Variants in CTTNBP2 observed in about 807,000 individuals in gnomAD.
CTTNBP2 encodes cortactin-binding protein 2.
Under a neutral mutation model 156.9 loss-of-function variants are expected in CTTNBP2, and 108 were observed. That is an observed-to-expected ratio of 0.69 (90% CI 0.59 to 0.81). The LOEUF (loss-of-function observed/expected upper bound fraction) is 0.81, where lower values mean the gene tolerates loss of function less well. Among genes scored for constraint, CTTNBP2 ranks in the 30% least tolerant of loss-of-function variants. The pLI, the probability that CTTNBP2 is intolerant of heterozygous loss-of-function variation, is 0.00. For synonymous variants in CTTNBP2, 767 were observed against 751.8 expected, an observed-to-expected ratio of 1.02 and a Z score of -0.33; for missense variants, 1,924 against 2,035.4, an observed-to-expected ratio of 0.95 and a Z score of 1.05.
At chr7:117,764,738 T>C (rs1434918348) in intron 9 of CTTNBP2, among the ~76,000 whole-genome samples, 2 of 152,224 alleles carry the variant, frequency 1.3e-5, no homozygotes, top group African/African-American at 2.4e-5. Flanking sequence ...CATTTCCTAA[T>C]AGATTTCCAT....
At chr7:117,760,348 C>T in intron 10 of CTTNBP2, 87 bp downstream of exon 10, 1 of 1,333,040 alleles carries the variant, frequency 7.5e-7, no homozygotes, top group Middle Eastern at 1.9e-4. Context: ...TGTGCTTAAT[C>T]AATGAACTAA....
intron 2 of CTTNBP2, among the ~76,000 whole-genome samples, chr7:117,833,798 G>T (rs1176949607): frequency 1.3e-5 from 2 of 152,176 alleles, no homozygotes; most frequent in East Asian, 3.9e-4. Context: ...AGCACTCAAT[G>T]AATTCTTCAA....
At chr7:117,759,263 G>A (rs973745553) in intron 10 of CTTNBP2, among the ~76,000 whole-genome samples, 2 of 151,830 alleles carry the variant, frequency 1.3e-5, no homozygotes, top group Non-Finnish European at 2.9e-5. Flanking sequence ...GCATGTGACC[G>A]CACCCACCTA....
intron 3 of CTTNBP2, among the ~76,000 whole-genome samples, chr7:117,797,444 GA>G (rs1166991739): frequency 6.6e-6 from 1 of 152,086 alleles, no homozygotes; most frequent in Non-Finnish European, 1.5e-5. Context: ...ATGAAATTAA[GA>G]AAAAGTGAAT....
chr7:117,784,116 TA>T, intron 5 of CTTNBP2, 134 bp downstream of exon 5: 2 of 598,334 alleles, frequency 3.3e-6, no homozygotes, highest in Non-Finnish European at 5.6e-6. Flanking sequence ...ATCTCATGTT[TA>T]AAAAAACTAT....
At chr7:117,753,546 C>T (rs773412668) in intron 12 of CTTNBP2, among the ~76,000 whole-genome samples, 3 of 152,126 alleles carry the variant, frequency 2.0e-5, no homozygotes, top group Non-Finnish European at 4.4e-5. Flanking sequence ...AAATGTGGTA[C>T]ATATACACCA....
At chr7:117,794,731 T>C (rs1201634748) in intron 3 of CTTNBP2, among the ~76,000 whole-genome samples, 2 of 152,220 alleles carry the variant, frequency 1.3e-5, no homozygotes, top group Admixed American at 1.3e-4. Flanking sequence ...GTCCCATAAA[T>C]AGATAATCAG....
intron 2 of CTTNBP2, among the ~76,000 whole-genome samples, chr7:117,825,775 G>A (rs1801240703): frequency 1.3e-5 from 2 of 152,104 alleles, no homozygotes; most frequent in African/African-American, 4.8e-5. Context: ...AAGAAATAAT[G>A]CATGTAAGGC....
At chr7:117,757,089 C>G (rs1796924967) in intron 11 of CTTNBP2, among the ~76,000 whole-genome samples, 1 of 152,190 alleles carries the variant, frequency 6.6e-6, no homozygotes, top group Non-Finnish European at 1.5e-5. Flanking sequence ...CCAAGTTCTG[C>G]CATTCTCTCA....
At chr7:117,781,147 G>T (rs529095979) in intron 6 of CTTNBP2, among the ~76,000 whole-genome samples, 137 of 152,216 alleles carry the variant, frequency 9.0e-4, no homozygotes, top group Non-Finnish European at 1.6e-3. Flanking sequence ...AGTTGATGAG[G>T]AAAAGATAGC....
rs192670787 is a variant in CTTNBP2 at position 117,732,447 on chromosome 7, G to A, written c.3876+2466C>T. 6.9e-3 allele frequency among the ~76,000 whole-genome samples: 1,047 copies of A among 151,718 alleles called. 8 individuals carry two copies. Among genetic ancestry groups the A allele is most frequent in the Non-Finnish European group, 0.011 (719 of 67,944 alleles). Reference sequence around the variant, plus strand: ...GGGTGGATCATGAGGTCAGGAGATCGAGACCATCCTGGCTAACATGGTGAA... The same window carrying A: ...GGGTGGATCATGAGGTCAGGAGATCAAGACCATCCTGGCTAACATGGTGAA... On this transcript the variant is annotated intron_variant, in intron 16 of 22. Transcript: ENST00000160373.
intron 3 of CTTNBP2, among the ~76,000 whole-genome samples, chr7:117,797,247 C>T (rs1403361606): frequency 6.6e-6 from 1 of 152,168 alleles, no homozygotes; most frequent in Non-Finnish European, 1.5e-5. Flanking sequence ...AAGGTGGCTG[C>T]TGAATGTCTG....
intron 2 of CTTNBP2, among the ~76,000 whole-genome samples, chr7:117,847,118 C>A (rs1371357595): frequency 6.6e-6 from 1 of 151,724 alleles, no homozygotes; most frequent in Non-Finnish European, 1.5e-5. Context: ...TACAGGGTTA[C>A]CAAAATGCTT....
intron 2 of CTTNBP2, among the ~76,000 whole-genome samples, chr7:117,846,811 T>TTG: frequency 6.6e-6 from 1 of 152,252 alleles, no homozygotes; most frequent in South Asian, 2.1e-4. Flanking sequence ...AAAACTGGCT[T>TTG]CTTAAACATT....
At chr7:117,831,242 T>C (rs569610899) in intron 2 of CTTNBP2, among the ~76,000 whole-genome samples, 22 of 152,258 alleles carry the variant, frequency 1.4e-4, no homozygotes, top group African/African-American at 5.1e-4. Context: ...TCATTAGAAC[T>C]CCCTGACACC....
intron 7 of CTTNBP2, among the ~76,000 whole-genome samples, chr7:117,778,657 A>G (rs993103795): frequency 4.6e-5 from 7 of 152,144 alleles, no homozygotes. Context: ...CTAATACACT[A>G]AAGTTTGACA....
chr7:117,735,038 T>C lies in CTTNBP2; in HGVS notation c.3751A>G (p.Lys1251Glu). ...ENCFLMGTIAKACLQGSDLLV... is the reference protein window; with the variant it reads ...ENCFLMGTIAEACLQGSDLLV... ...AAGTCGGAGCCCTGGAGACAGGCCT[T>C]GGCGATGGTTCCCATCAGAAAGCAG... is the stretch of plus-strand genomic sequence containing the variant. Residue 1251 changes from lysine (K) to glutamate (E), a missense_variant, in exon 16 of 23, where the codon AAG (lysine) becomes GAG (glutamate). Lys to Glu is a moderately conservative substitution (Grantham distance 56). Coordinates refer to ENST00000160373, the MANE Select transcript of CTTNBP2 (RefSeq NM_033427.3). The C allele has an allele frequency of 3.1e-6, 5 of 1,614,212 alleles. No homozygotes were observed. The highest frequency in any genetic ancestry group is 4.2e-6 in the Non-Finnish European group (5 of 1,180,022).
intron 19 of CTTNBP2, among the ~76,000 whole-genome samples, chr7:117,723,910 G>A (rs765303306): frequency 6.6e-6 from 1 of 151,894 alleles, no homozygotes; most frequent in African/African-American, 2.4e-5. Flanking sequence ...GCGCCACCAT[G>A]CCCAGCTAAT....
intron 2 of CTTNBP2, 30 bp from the exon 3 acceptor site, chr7:117,811,019 G>C: frequency 1.4e-6 from 2 of 1,479,714 alleles, no homozygotes; most frequent in South Asian, 2.3e-5. Flanking sequence ...ATGTATTGAA[G>C]AAAGAAATGA....
Sources: gnomAD v4.1 joint callset for allele counts (sites outside exome capture counted in the v4.1 genomes callset) on GRCh38, gnomAD v4.1.1 for gene constraint, MANE v1.5 for transcripts, NCBI Gene and HGNC (gene_info 2026-07-23, HGNC 2026-07-21) for gene names.